EPB41: variants seen among roughly 807,000 people sequenced by gnomAD.
EPB41 encodes the protein erythrocyte membrane protein band 4.1.
Under a neutral mutation model 108.0 loss-of-function variants are expected in EPB41, and 65 were observed. The observed-to-expected ratio is 0.60, with a 90% CI of 0.49 to 0.74. The LOEUF is 0.74. Ranked by LOEUF, EPB41 falls within the 30% of genes least tolerant of loss-of-function variation. The probability of loss-of-function intolerance (pLI) is 0.00; values close to 1 mark genes in which losing one functional copy is unlikely to be tolerated. For missense variants in EPB41, 875 were observed against 1,037.0 expected, an observed-to-expected ratio of 0.84 and a Z score of 2.15; for synonymous variants, 336 against 358.9, an observed-to-expected ratio of 0.94 and a Z score of 0.72.
chr1:28,981,825 G>A (rs759292702), intron 1 of EPB41, among the ~76,000 whole-genome samples: 3 of 151,346 alleles, frequency 2.0e-5, no homozygotes, highest in Non-Finnish European at 4.4e-5. Context: ...GTAATATGTG[G>A]TGGCAGCCCA....
At chr1:29,045,822 A>G (rs1309768175) in intron 11 of EPB41, among the ~76,000 whole-genome samples, 1 of 148,780 alleles carries the variant, frequency 6.7e-6, no homozygotes, top group Non-Finnish European at 1.5e-5. Flanking sequence ...AAAAAAAAAA[A>G]AAAATTAGCT....
In EPB41 at chr1:28,943,853, A is replaced by G. The variant is rs547829866; in HGVS notation, c.-8+29085A>G. ...AGCTGCCATATGATCTAGTGATCCC[A>G]CTGCTGGATATATACCCAATAGAAA... On this transcript the variant is annotated intron_variant, in intron 1 of 20. Transcript: ENST00000343067. Among the ~76,000 whole-genome samples the G allele has an allele frequency of 5.9e-5, 9 of 152,304 alleles. No individual in the cohort carries two copies. In the South Asian group the frequency reaches 1.7e-3, roughly 28 times the overall value.
chr1:28,947,333 G>C (rs1250099949), intron 1 of EPB41, among the ~76,000 whole-genome samples: 1 of 151,716 alleles, frequency 6.6e-6, no homozygotes, highest in Non-Finnish European at 1.5e-5. Flanking sequence ...GCTTGATCTC[G>C]GGAGGCGGAT....
chr1:28,968,303 C>T (rs560210286), intron 1 of EPB41, among the ~76,000 whole-genome samples: 1 of 151,432 alleles, frequency 6.6e-6, no homozygotes, highest in South Asian at 2.1e-4. Flanking sequence ...TGCAGTGAGC[C>T]GAGATCACAC....
intron 16 of EPB41, among the ~76,000 whole-genome samples, chr1:29,067,832 C>T (rs1649115362): frequency 1.3e-5 from 2 of 152,018 alleles, no homozygotes; most frequent in Non-Finnish European, 2.9e-5. Context: ...GATGACAGGA[C>T]GCTATTGTTT....
chr1:28,934,524 A>G (rs1054474319), intron 1 of EPB41, among the ~76,000 whole-genome samples: 2 of 152,152 alleles, frequency 1.3e-5, no homozygotes, highest in African/African-American at 4.8e-5. Flanking sequence ...AATCATTTAT[A>G]TCAGTGTGGA....
chr1:28,928,752 A>G (rs1237465855), intron 1 of EPB41, among the ~76,000 whole-genome samples: 12 of 152,216 alleles, frequency 7.9e-5, no homozygotes, highest in African/African-American at 2.9e-4. Flanking sequence ...TGGTGTGATC[A>G]AGATAGAACA....
intron 16 of EPB41, among the ~76,000 whole-genome samples, chr1:29,084,442 G>A (rs551285239): frequency 1.3e-5 from 2 of 152,276 alleles, no homozygotes; most frequent in South Asian, 4.1e-4. Flanking sequence ...TTGACAGAAT[G>A]CAAAATAAAA....
intron 16 of EPB41, among the ~76,000 whole-genome samples, chr1:29,094,281 T>A (rs1487345575): frequency 6.6e-6 from 1 of 152,066 alleles, no homozygotes; most frequent in Non-Finnish European, 1.5e-5. Flanking sequence ...TTTTTTTTCT[T>A]TTTTTTCTTT....
At chr1:29,004,832 A>T (rs531475331) in intron 4 of EPB41, among the ~76,000 whole-genome samples, 1 of 152,346 alleles carries the variant, frequency 6.6e-6, no homozygotes, top group Non-Finnish European at 1.5e-5. Flanking sequence ...TAACAGCAGC[A>T]TAAATAAGGT....
chr1:28,893,404 A>G (rs1317220813), intron 1 of EPB41: 3 of 152,170 alleles, frequency 2.0e-5, no homozygotes, highest in Non-Finnish European at 2.9e-5. Flanking sequence ...CCTTGACACA[A>G]TCATCACAGT....
chr1:29,106,506 G>A (rs2151623927), intron 17 of EPB41, among the ~76,000 whole-genome samples: 1 of 149,926 alleles, frequency 6.7e-6, no homozygotes, highest in Non-Finnish European at 1.5e-5. Flanking sequence ...TGCCCAGGCT[G>A]GAGTGCAGTG....
intron 1 of EPB41, among the ~76,000 whole-genome samples, chr1:28,898,489 G>A (rs977859087): frequency 6.6e-6 from 1 of 152,296 alleles, no homozygotes; most frequent in Non-Finnish European, 1.5e-5. Flanking sequence ...AGAGAAGGGC[G>A]GAGGCTTCAA....
At chr1:29,091,728 T>G (rs533331815) in intron 16 of EPB41, among the ~76,000 whole-genome samples, 1 of 152,338 alleles carries the variant, frequency 6.6e-6, no homozygotes, top group African/African-American at 2.4e-5. Context: ...TCAGATACAT[T>G]TGCAGACAGA....
intron 7 of EPB41, 100 bp from the exon 8 acceptor site, chr1:29,030,300 G>A: frequency 1.1e-6 from 1 of 896,694 alleles, no homozygotes; most frequent in Admixed American, 1.8e-5. Context: ...ATAGTGGTAT[G>A]TATATGTTCA....
chr1:28,950,155 C>T (rs2094654990), intron 1 of EPB41, among the ~76,000 whole-genome samples: 1 of 152,086 alleles, frequency 6.6e-6, no homozygotes, highest in African/African-American at 2.4e-5. Flanking sequence ...CAAAGTTTCT[C>T]TAAGGTAGAT....
chr1:29,022,169 G>A (rs2096654535), intron 7 of EPB41, among the ~76,000 whole-genome samples: 1 of 151,836 alleles, frequency 6.6e-6, no homozygotes, highest in Non-Finnish European at 1.5e-5. Flanking sequence ...ATTATATCAA[G>A]GTTTGGAAGA....
chr1:28,966,695 A>G (rs2095363370), intron 1 of EPB41, among the ~76,000 whole-genome samples: 1 of 152,110 alleles, frequency 6.6e-6, no homozygotes, highest in Non-Finnish European at 1.5e-5. Flanking sequence ...TTGAGTAAAA[A>G]CCCAAAGGAA....
At chr1:29,008,083 A>G (rs183569947) in intron 4 of EPB41, among the ~76,000 whole-genome samples, 48 of 152,096 alleles carry the variant, frequency 3.2e-4, no homozygotes, top group Middle Eastern at 3.4e-3. Context: ...TCTTGTTGCT[A>G]TTTTTTTCTC....
Sources: gnomAD v4.1 joint callset for allele counts (sites outside exome capture counted in the v4.1 genomes callset) on GRCh38, gnomAD v4.1.1 for gene constraint, MANE v1.5 for transcripts, NCBI Gene and HGNC (gene_info 2026-07-23, HGNC 2026-07-21) for gene names.